The following CARD14 variants were observed in gnomAD, a reference collection of about 807,000 sequenced individuals.
The protein encoded by CARD14 is caspase recruitment domain family member 14, also known as caspase recruitment domain-containing protein 14.
In CARD14, 107 loss-of-function variants were observed where a neutral mutation model predicts 111.5. That is an observed-to-expected ratio of 0.96 (90% confidence interval 0.82 to 1.13). The LOEUF (loss-of-function observed/expected upper bound fraction) is 1.13. Among genes scored for constraint, CARD14 ranks in the 50% most tolerant of loss-of-function variants. The probability of loss-of-function intolerance (pLI) is 0.00; values close to 1 mark genes in which losing one functional copy is unlikely to be tolerated. For missense variants in CARD14, 1,322 were observed against 1,362.3 expected, an observed-to-expected ratio of 0.97 and a Z score of 0.47; for synonymous variants, 617 against 579.6, an observed-to-expected ratio of 1.06 and a Z score of -0.93.
chr17:80,194,814 G>A (rs1472096117), intron 12 of CARD14, among the ~76,000 whole-genome samples: 2 of 152,120 alleles, frequency 1.3e-5, no homozygotes, highest in East Asian at 3.9e-4. Flanking sequence ...TCTCCACCTG[G>A]TCCCACCTTT....
Position 80,192,571 on chromosome 17 carries a change from C to T in CARD14, c.1308C>T (p.Ala436=), listed in dbSNP as rs771904594. The T allele has an allele frequency of 5.0e-6, 8 of 1,613,440 alleles. No homozygotes were observed. The highest frequency in any genetic ancestry group is 4.5e-5 in the East Asian group (2 of 44,878). Residue 436 remains alanine (A), a synonymous_variant, in exon 12 of 24, where the codon GCC becomes GCT. Coordinates refer to ENST00000648509, the MANE Select transcript of CARD14 (RefSeq NM_001366385.1). ...REKQRLVRMH[A]ICPRDDSDCS... is the part of the protein sequence containing the mutation. ...AGCAGCGGCTGGTGCGGATGCATGC[C>T]ATCTGCCCCAGAGACGACAGCGACT...
chr17:80,202,456 G>A, intron 18 of CARD14, 36 bp downstream of exon 18: 1 of 1,597,726 alleles, frequency 6.3e-7, no homozygotes, highest in Non-Finnish European at 8.5e-7. Flanking sequence ...CGTCCCCAGA[G>A]AGGCCCACAG....
intron 7 of CARD14, among the ~76,000 whole-genome samples, chr17:80,186,603 C>T (rs2040352797): frequency 6.6e-6 from 1 of 152,148 alleles, no homozygotes; most frequent in Non-Finnish European, 1.5e-5. Flanking sequence ...AGCTGGAGTG[C>T]AGTGGCGCCA....
At chr17:80,205,686 T>C (rs1243459111) in intron 22 of CARD14, 34 bp downstream of exon 22, 1 of 1,516,898 alleles carries the variant, frequency 6.6e-7, no homozygotes, top group East Asian at 2.4e-5. Flanking sequence ...AGGGGAGCTG[T>C]CCTGGGAAGG....
chr17:80,180,502 C>T (rs1034228679), intron 4 of CARD14, among the ~76,000 whole-genome samples: 3 of 152,194 alleles, frequency 2.0e-5, no homozygotes, highest in African/African-American at 7.2e-5. Context: ...GAGTCCTCTG[C>T]GCAGTCCTCT....
rs2039938012 is a variant in CARD14 at position 80,172,954 on chromosome 17, C to A, written c.-641C>A. The stretch of plus-strand genomic sequence containing the variant: ...GGAATGCAGTGGCACCATCTCAGCT[C>A]TCTGCAACCTCCACTTCCCAGGTTC... On this transcript the variant is annotated 5_prime_UTR_variant, in exon 2 of 24. Transcript: ENST00000648509. The A allele has an allele frequency of 7.3e-6, 1 of 136,500 alleles. No individual in the cohort carries two copies. The highest frequency in any genetic ancestry group is 8.2e-5 in the Admixed American group (1 of 12,154). The allele number at this position is 136,500 out of a possible 1,614,324, so 8.5% of individuals were successfully genotyped here.
rs2040794161 is a variant in CARD14, at chr17:80,198,314, G to T, written c.1659-85G>T. On this transcript the variant is annotated intron_variant, in intron 15 of 23. Coordinates refer to ENST00000648509, the MANE Select transcript of CARD14 (RefSeq NM_001366385.1). The surrounding 1 kb of genome is among the most constrained non-coding windows in gnomAD (Gnocchi z 7.5). ...GGGGGAGGAGAATTCCAGAACACTGGGGCCAGAGGGAAGCAATGGGGAGGT... is the reference window on the plus strand; with the variant it reads ...GGGGGAGGAGAATTCCAGAACACTGTGGCCAGAGGGAAGCAATGGGGAGGT... 2 of 1,562,718 alleles carry T rather than the reference G, an allele frequency of 1.3e-6. No homozygotes were observed. The highest frequency in any genetic ancestry group is 1.7e-6 in the Non-Finnish European group (2 of 1,150,892).
Position 80,195,131 on chromosome 17 carries a change from G to C in CARD14, c.1357-60G>C. On this transcript the variant is annotated intron_variant, in intron 12 of 23. Coordinates refer to ENST00000648509, the MANE Select transcript of CARD14 (RefSeq NM_001366385.1). This position sits in a 1 kb window ranked among gnomAD's most constrained non-coding sequence, Gnocchi z 4.7. ...CTCTCTCTACACCGTGGGGGAGCAA[G>C]GGAGGAGTCTCAGGGTGTCCTCGTG... 1 of 1,535,446 alleles carries C rather than the reference G, an allele frequency of 6.5e-7. No individual in the cohort carries two copies. The highest frequency in any genetic ancestry group is 8.8e-7 in the Non-Finnish European group (1 of 1,136,500).
intron 16 of CARD14, among the ~76,000 whole-genome samples, chr17:80,199,668 T>C (rs2040868492): frequency 6.8e-6 from 1 of 147,602 alleles, no homozygotes; most frequent in African/African-American, 2.5e-5. Context: ...CACCTGAGGT[T>C]AGGAGTTTGA....
At chr17:80,176,147 C>T (rs1339889662) in intron 2 of CARD14, among the ~76,000 whole-genome samples, 5 of 147,496 alleles carry the variant, frequency 3.4e-5, no homozygotes, top group African/African-American at 1.0e-4. Flanking sequence ...ATATAACTCA[C>T]GGCCAAACAC....
intron 7 of CARD14, 70 bp downstream of exon 7, chr17:80,184,308 C>A: frequency 1.6e-6 from 2 of 1,289,826 alleles, no homozygotes; most frequent in Non-Finnish European, 2.1e-6. Flanking sequence ...ACTAGCTGGT[C>A]CATCTCCCTG....
At chr17:80,199,741 T>C (rs974481050) in intron 16 of CARD14, among the ~76,000 whole-genome samples, 1 of 130,660 alleles carries the variant, frequency 7.7e-6, no homozygotes, top group Non-Finnish European at 1.6e-5. Context: ...AAAAAAAAAA[T>C]AGCTGGTATC....
At chr17:80,181,370 T>C (rs1047072649) in intron 4 of CARD14, 49 bp from the exon 5 acceptor site, 42 of 1,413,292 alleles carry the variant, frequency 3.0e-5, no homozygotes, top group Non-Finnish European at 3.6e-5. Flanking sequence ...CTGGCTATCC[T>C]GGGGTCCTGC....
chr17:80,202,155 T>C lies in CARD14; in HGVS notation c.1979-25T>C, dbSNP rs759696089. The C allele has an allele frequency of 3.1e-6, 5 of 1,590,262 alleles. No individual in the cohort carries two copies. The East Asian group carries it at 1.1e-4, about 36-fold the overall frequency. The stretch of plus-strand genomic sequence containing the variant: ...CAGAGGCTCGTATCTGTGGCTCATC[T>C]GTGGCTCATGTCCCCTTTTATCAGG... On this transcript the variant is annotated intron_variant, in intron 17 of 23. Transcript: ENST00000648509.
intron 23 of CARD14, 144 bp downstream of exon 23, chr17:80,207,229 C>G: frequency 1.7e-6 from 1 of 598,062 alleles, no homozygotes; most frequent in East Asian, 3.0e-5. Context: ...AACTTTGGGA[C>G]AAGGGCCCCG....
In CARD14 at chr17:80,188,382, T is replaced by G. The variant is rs369755459; in HGVS notation, c.681T>G (p.Tyr227Ter). The G allele has an allele frequency of 3.4e-5, 54 of 1,609,584 alleles. No individual in the cohort carries two copies. Among genetic ancestry groups the G allele is most frequent in the Non-Finnish European group, 4.2e-5 (49 of 1,178,098 alleles). ...GTCGCCTCCCCACCGCACAGCTGTA[T>G]CTACTGAAGCAGGAGCTGCAGCGAG... is the stretch of plus-strand genomic sequence containing the variant. ...SRCRSLQEEL[Y>*]LLKQELQRAN... Residue 227 changes from tyrosine to a stop codon, truncating the protein, a stop_gained, in exon 8 of 24, where the codon TAT (tyrosine) becomes TAG (stop). Transcript: ENST00000648509. LOFTEE classifies it high-confidence loss of function. This position sits in a 1 kb window ranked among gnomAD's most constrained non-coding sequence, Gnocchi z 4.5.
rs1310763895 is a variant in CARD14 at position 80,203,968 on chromosome 17, G to A, written c.2283+83G>A. On this transcript the variant is annotated intron_variant, in intron 19 of 23. Coordinates refer to ENST00000648509, the MANE Select transcript of CARD14 (RefSeq NM_001366385.1). The surrounding 1 kb of genome is among the most constrained non-coding windows in gnomAD (Gnocchi z 4.6). The stretch of plus-strand genomic sequence containing the variant: ...TGCTGGCAGGGTGGCAGGAGGCACT[G>A]TGTGGAGAGTGGGCTGCTGATTGGA... 2.3e-5 allele frequency: 26 copies of A among 1,139,890 alleles called. No homozygotes were observed. The highest frequency in any genetic ancestry group is 8.3e-5 in the South Asian group (6 of 72,016). 70.6% of individuals were successfully genotyped at this position (1,139,890 alleles called of 1,614,324 possible).
At position 80,182,904 on chromosome 17, in the gene CARD14, C is replaced by A; in HGVS notation, c.349+114C>A. ...TGCCCTACTCCCCCTTCCCTCCAGG[C>A]TGCAGTTCCTGTCCCAGCCCCAGCA... On this transcript the variant is annotated intron_variant, in intron 6 of 23. Transcript: ENST00000648509. The surrounding 1 kb of genome is among the most constrained non-coding windows in gnomAD (Gnocchi z 4.7). 2 of 1,264,278 alleles carry A rather than the reference C, an allele frequency of 1.6e-6. No individual in the cohort carries two copies. The highest frequency in any genetic ancestry group is 2.2e-6 in the Non-Finnish European group (2 of 895,080). The allele number at this position is 1,264,278 out of a possible 1,614,324, so 78.3% of individuals were successfully genotyped here. A position where few individuals can be genotyped will look rare whatever the true frequency, so the allele number is the denominator to read the frequency against.
intron 2 of CARD14, among the ~76,000 whole-genome samples, chr17:80,173,799 A>G (rs2039964951): frequency 6.6e-6 from 1 of 152,014 alleles, no homozygotes; most frequent in African/African-American, 2.4e-5. Flanking sequence ...GGGTTTCACT[A>G]TGTTGGCCAG....
Sources: gnomAD v4.1 joint callset for allele counts (sites outside exome capture counted in the v4.1 genomes callset) on GRCh38, gnomAD v4.1.1 for gene constraint, Gnocchi (gnomAD v3.1) non-coding constraint, MANE v1.5 for transcripts, NCBI Gene and HGNC (gene_info 2026-07-23, HGNC 2026-07-21) for gene names.